The following BRCA1 variants were observed in gnomAD, a reference collection of about 807,000 sequenced individuals.
The protein encoded by BRCA1 is BRCA1 DNA repair associated, also known as breast cancer type 1 susceptibility protein.
Under a neutral mutation model 173.7 loss-of-function variants are expected in BRCA1, and 140 were observed. The observed-to-expected ratio is 0.81, with a 90% CI of 0.70 to 0.93. The LOEUF (loss-of-function observed/expected upper bound fraction) is 0.93, where lower values mean the gene tolerates loss of function less well. Among genes scored for constraint, BRCA1 ranks in the 40% least tolerant of loss-of-function variants. BRCA1 has a pLI of 0.00. For missense variants in BRCA1, 1,983 were observed against 2,172.5 expected (o/e 0.91, Z 1.73); for synonymous variants, 662 against 756.0 (o/e 0.88, Z 2.04).
intron 1 of BRCA1, chr17:43,167,229 G>A (rs1004303397): frequency 1.3e-5 from 2 of 152,290 alleles, no homozygotes; most frequent in Non-Finnish European, 2.9e-5. Flanking sequence ...TCGCTTCCCA[G>A]TCAGGGAACC....
At chr17:43,129,316 G>A (rs2055945046), upstream of BRCA1, among the ~76,000 whole-genome samples, 1 of 152,166 alleles carries the variant, frequency 6.6e-6, no homozygotes, top group African/African-American at 2.4e-5. Flanking sequence ...ACCTGGATAT[G>A]GTCCAGCTAA....
chr17:43,079,755 C>T (rs2154113997), intron 12 of BRCA1: 1 of 1,319,726 alleles, frequency 7.6e-7, no homozygotes, highest in South Asian at 1.2e-5. Context: ...CAGCTGGAAC[C>T]TATTCCCTAT....
intron 2 of BRCA1, among the ~76,000 whole-genome samples, chr17:43,117,674 C>T (rs1386341281): frequency 4.6e-5 from 7 of 151,948 alleles, no homozygotes; most frequent in African/African-American, 1.7e-4. Context: ...GGGAAGTGCA[C>T]GTTGCAGTGA....
intron 3 of BRCA1, chr17:43,110,579 C>A (rs1396533515): frequency 2.4e-6 from 1 of 411,770 alleles, no homozygotes; most frequent in Non-Finnish European, 4.8e-6. Context: ...CAGAGTAAGA[C>A]CCTGTCTCAA....
chr17:43,132,734 A>G (rs2055979500), intron 1 of BRCA1: 1 of 151,004 alleles, frequency 6.6e-6, no homozygotes, highest in Non-Finnish European at 1.5e-5. Flanking sequence ...GTGCGCAACC[A>G]TGCCCAGCTA....
At chr17:43,164,130 A>G (rs1468384729) in intron 1 of BRCA1, 2 of 152,250 alleles carry the variant, frequency 1.3e-5, no homozygotes, top group Non-Finnish European at 2.9e-5. Flanking sequence ...GCATCTTGGT[A>G]TCCTGTCTTC....
intron 15 of BRCA1, 116 bp downstream of exon 15, chr17:43,070,810 CTG>C (rs1305714858): frequency 8.3e-7 from 1 of 1,206,416 alleles, no homozygotes; most frequent in African/African-American, 1.5e-5. Context: ...TTACACAGAA[CTG>C]TGATTGTTTT....
chr17:43,045,816 A>G lies in BRCA1; in HGVS notation c.5468-14T>C, dbSNP rs1455009930. On this transcript the variant is annotated splice_polypyrimidine_tract_variant and intron_variant, in intron 22 of 22. Transcript: ENST00000357654. ...TCTGCCCAATTGCTGGAGACAGAGAACACAAGCAGAGATTAGTGTCAATTC... is the reference window on the plus strand; with the variant it reads ...TCTGCCCAATTGCTGGAGACAGAGAGCACAAGCAGAGATTAGTGTCAATTC... 2 of 1,614,202 alleles carry G rather than the reference A, an allele frequency of 1.2e-6. No homozygotes were observed. The highest frequency in any genetic ancestry group is 1.7e-6 in the Non-Finnish European group (2 of 1,180,042).
At chr17:43,109,767 T>C (rs1308830602) in intron 3 of BRCA1, among the ~76,000 whole-genome samples, 1 of 152,132 alleles carries the variant, frequency 6.6e-6, no homozygotes, top group African/African-American at 2.4e-5. Flanking sequence ...GGAAATTCCC[T>C]TATGATAGTA....
chr17:43,162,925 A>G (rs1388706712), intron 1 of BRCA1: 1 of 151,256 alleles, frequency 6.6e-6, no homozygotes, highest in Non-Finnish European at 1.5e-5. Flanking sequence ...TGAGTCCAAC[A>G]CCTCTACACA....
intron 18 of BRCA1, 44 bp downstream of exon 18, chr17:43,063,289 A>G: frequency 6.7e-7 from 1 of 1,495,016 alleles, no homozygotes; most frequent in Non-Finnish European, 9.3e-7. Flanking sequence ...TAACTATATG[A>G]CTGAATGAAT....
At chr17:43,109,916 ACGGAGT>A (rs1477880002) in intron 3 of BRCA1, among the ~76,000 whole-genome samples, 1 of 149,730 alleles carries the variant, frequency 6.7e-6, no homozygotes, top group Non-Finnish European at 1.5e-5. Context: ...TTTTTTTTAG[ACGGAGT>A]CTCGCTCTGT....
At chr17:43,114,507 T>C (rs2055177959) in intron 3 of BRCA1, among the ~76,000 whole-genome samples, 1 of 151,510 alleles carries the variant, frequency 6.6e-6, no homozygotes, top group Admixed American at 6.6e-5. Context: ...TACATGGCCA[T>C]AGTTTTGAAT....
At chr17:43,078,823 A>T (rs1261157224) in intron 12 of BRCA1, among the ~76,000 whole-genome samples, 1 of 152,052 alleles carries the variant, frequency 6.6e-6, no homozygotes, top group Non-Finnish European at 1.5e-5. Flanking sequence ...CATCCTCCCC[A>T]CCCCCAATAC....
chr17:43,078,868 C>T (rs998725025), intron 12 of BRCA1, among the ~76,000 whole-genome samples: 4 of 152,122 alleles, frequency 2.6e-5, no homozygotes, highest in African/African-American at 9.7e-5. Context: ...TGTGCAAGTT[C>T]CAAGGAACCA....
chr17:43,150,999 C>T (rs941728291), intron 1 of BRCA1, among the ~76,000 whole-genome samples: 4 of 152,108 alleles, frequency 2.6e-5, no homozygotes, highest in African/African-American at 9.7e-5. Context: ...GCCCATCAAA[C>T]ACAGACAGTT....
At chr17:43,105,134 C>G (rs753063800) in intron 4 of BRCA1, among the ~76,000 whole-genome samples, 178 bp from the exon 5 acceptor site, 5 of 152,156 alleles carry the variant, frequency 3.3e-5, no homozygotes, top group Non-Finnish European at 7.3e-5. Flanking sequence ...GATTTAGTAA[C>G]TTTTTGTCAT....
In BRCA1 at chr17:43,074,535, T is replaced by C; in HGVS notation, c.4485-14A>G. On this transcript the variant is annotated splice_polypyrimidine_tract_variant and intron_variant, in intron 13 of 22. Transcript: ENST00000357654. ...GAAGGGGATGACCTAGAAAGATAAA[T>C]GGAAGGAGAAAACCATCGCCACCAA... The C allele has an allele frequency of 6.2e-7, 1 of 1,610,382 alleles. No homozygotes were observed. The highest frequency in any genetic ancestry group is 2.2e-5 in the East Asian group (1 of 44,846).
Position 43,092,426 on chromosome 17 carries a change from A to C in BRCA1, c.3105T>G (p.Val1035=), listed in dbSNP as rs1452354450. ...TATTGCTTGAGCTGGCTTCTTTAAAAACATTTTCTCTAATGTTATTACGGC... is the reference window on the plus strand; with the variant it reads ...TATTGCTTGAGCTGGCTTCTTTAAACACATTTTCTCTAATGTTATTACGGC... ...TISRNNIREN[V]FKEASSSNIN... The change falls in exon 10 of 23, where the codon GTT becomes GTG. Residue 1035 remains valine (V), a synonymous_variant. Transcript: ENST00000357654. The C allele has an allele frequency of 6.2e-7, 1 of 1,613,936 alleles. No individual in the cohort carries two copies. The highest frequency in any genetic ancestry group is 1.3e-5 in the African/African-American group (1 of 75,024).
Sources: gnomAD v4.1 joint callset for allele counts (sites outside exome capture counted in the v4.1 genomes callset) on GRCh38, gnomAD v4.1.1 for gene constraint, MANE v1.5 for transcripts, NCBI Gene and HGNC (gene_info 2026-07-23, HGNC 2026-07-21) for gene names.